The following TBC1D9 variants were observed in gnomAD, a reference collection of about 807,000 sequenced individuals.
TBC1D9 encodes the protein TBC1 domain family member 9A.
TBC1D9 carries 63 observed loss-of-function variants against 132.0 expected under a neutral mutation model. The ratio of observed to expected loss-of-function variants is 0.48; its 90% CI spans 0.39 to 0.59. The LOEUF is 0.59. Among genes scored for constraint, TBC1D9 ranks in the 20% least tolerant of loss-of-function variants. TBC1D9 has a pLI of 0.00. For missense variants in TBC1D9, 1,261 were observed against 1,592.7 expected, an observed-to-expected ratio of 0.79 and a Z score of 3.54; for synonymous variants, 610 against 609.9, an observed-to-expected ratio of 1.00 and a Z score of 0.00.
At position 140,622,461 on chromosome 4, in the gene TBC1D9, G is replaced by A. The variant is rs1578810332; in HGVS notation, c.3535C>T (p.His1179Tyr). The change falls in exon 21 of 21, where the codon CAC (histidine) becomes TAC (tyrosine). Residue 1179 changes from histidine to tyrosine, a missense_variant. Physicochemically the swap from His to Tyr is moderately conservative, Grantham distance 83. Around this residue, in one of 3 missense-constraint regions of TBC1D9, gnomAD observed 618 missense variants for 724.4 expected, o/e 0.85. Coordinates refer to ENST00000442267, the MANE Select transcript of TBC1D9 (RefSeq NM_015130.3). Reference sequence around the variant, plus strand: ...GTGTCCTCTCCGATGTCCTCGCAGTGCAGCTTGTCCTCCTCGTGGGAGCCG... The same window carrying A: ...GTGTCCTCTCCGATGTCCTCGCAGTACAGCTTGTCCTCCTCGTGGGAGCCG... ...SAGSHEEDKLHCEDIGEDTVL... is the reference protein window; with the variant it reads ...SAGSHEEDKLYCEDIGEDTVL... 6.2e-7 allele frequency: 1 copy of A among 1,614,016 alleles called. No homozygotes were observed. The highest frequency in any genetic ancestry group is 1.3e-5 in the African/African-American group (1 of 75,070).
At chr4:140,749,969 A>G (rs1244346885) in intron 1 of TBC1D9, among the ~76,000 whole-genome samples, 1 of 152,128 alleles carries the variant, frequency 6.6e-6, no homozygotes, top group African/African-American at 2.4e-5. Flanking sequence ...ACACTTGAAA[A>G]TCAGTTACTA....
chr4:140,687,327 G>GTGTGTC lies in TBC1D9; in HGVS notation c.242-866_242-865insGACACA, dbSNP rs1300247220. Among the ~76,000 whole-genome samples the GTGTGTC allele has an allele frequency of 3.3e-5, 4 of 119,410 alleles. No homozygotes were observed. In the South Asian group the frequency reaches 8.6e-4, roughly 26 times the overall value. The allele number at this position is 119,410 out of a possible 152,430, so 78.3% of individuals were successfully genotyped here. On this transcript the variant is annotated intron_variant, in intron 2 of 20. Coordinates refer to ENST00000442267, the MANE Select transcript of TBC1D9 (RefSeq NM_015130.3). ...ATGTGTGCCATATATATATATGTGT[G>GTGTGTC]TGTGTGTGTGTGTGTCATATATATA...
At chr4:140,695,845 G>C (rs1482085971) in intron 2 of TBC1D9, among the ~76,000 whole-genome samples, 1 of 152,136 alleles carries the variant, frequency 6.6e-6, no homozygotes, top group East Asian at 1.9e-4. Context: ...AGCCCCAGGT[G>C]CAAAATAGTC....
intron 16 of TBC1D9, among the ~76,000 whole-genome samples, chr4:140,632,300 T>A (rs1736809994): frequency 6.6e-6 from 1 of 151,554 alleles, no homozygotes; most frequent in South Asian, 2.1e-4. Context: ...TGGATACCTA[T>A]ATGACAAGCA....
intron 6 of TBC1D9, among the ~76,000 whole-genome samples, chr4:140,671,674 CTGTGTGTGTGTGTGTGTG>C (rs34072180): frequency 2.1e-5 from 3 of 141,830 alleles, no homozygotes; most frequent in East Asian, 4.2e-4. Flanking sequence ...AACTACCAGA[CTGTGTGTGTGTGTGTGTG>C]TGTGTGTGTG....
rs768104844 is a variant in TBC1D9, at chr4:140,670,769, A to G, written c.1217T>C (p.Ile406Thr). The G allele has an allele frequency of 6.2e-7, 1 of 1,613,992 alleles. No individual in the cohort carries two copies. Among genetic ancestry groups the G allele is most frequent in the Admixed American group, 1.7e-5 (1 of 60,020 alleles). ...TCCTGCAAACTCCTTGTCAGAATAT[A>G]TTTTGGAAGTAGTCTGTTGCAGGAA... is the stretch of plus-strand genomic sequence containing the variant. ...SDFLQQTTSK[I>T]YSDKEFAGSY... The change falls in exon 7 of 21, where the codon ATA (isoleucine) becomes ACA (threonine). Residue 406 changes from isoleucine (I) to threonine (T), a missense_variant. Physicochemically the swap from Ile to Thr is moderately conservative, Grantham distance 89. Around this residue, in one of 3 missense-constraint regions of TBC1D9, gnomAD observed 550 missense variants for 699.0 expected, o/e 0.79. Transcript: ENST00000442267.
chr4:140,662,452 G>C (rs551605520), intron 9 of TBC1D9, among the ~76,000 whole-genome samples: 26 of 152,266 alleles, frequency 1.7e-4, no homozygotes, highest in African/African-American at 5.8e-4. Context: ...CCAGGCTGAG[G>C]CTTCACCTTC....
chr4:140,752,821 G>C (rs557680202), intron 1 of TBC1D9, among the ~76,000 whole-genome samples: 2 of 152,218 alleles, frequency 1.3e-5, no homozygotes, highest in East Asian at 3.9e-4. Context: ...ATAGCTTTCT[G>C]TGCTAATCTT....
At chr4:140,650,355 C>T (rs1737169923) in intron 13 of TBC1D9, among the ~76,000 whole-genome samples, 1 of 152,146 alleles carries the variant, frequency 6.6e-6, no homozygotes, top group Non-Finnish European at 1.5e-5. Context: ...AAAGTTCTGG[C>T]AGCAATGGTT....
intron 13 of TBC1D9, chr4:140,645,040 G>A (rs1035791730): frequency 8.3e-6 from 4 of 480,704 alleles, no homozygotes; most frequent in African/African-American, 6.0e-5. Flanking sequence ...TGGGTTGCGG[G>A]GTCCACAGAC....
At chr4:140,643,714 A>G in intron 13 of TBC1D9, 1 of 1,210,660 alleles carries the variant, frequency 8.3e-7, no homozygotes, top group East Asian at 2.5e-5. Flanking sequence ...GCGGCCGTGC[A>G]GGGTTCTGTC....
chr4:140,756,069 G>GCACA lies in TBC1D9; in HGVS notation c.-28_-25dup. ...ATGGTCCTGGCTGCCGCGGGCGGGC[G>GCACA]CACAATGGGCCCGTGGGTCCAGTCC... On this transcript the variant is annotated 5_prime_UTR_variant, in exon 1 of 21. Transcript: ENST00000442267. This position sits in a 1 kb window ranked among gnomAD's most constrained non-coding sequence, Gnocchi z 5.6. 6.3e-7 allele frequency: 1 copy of GCACA among 1,597,336 alleles called. No homozygotes were observed. The highest frequency in any genetic ancestry group is 8.5e-7 in the Non-Finnish European group (1 of 1,172,008).
At chr4:140,687,249 T>C (rs1373192599) in intron 2 of TBC1D9, among the ~76,000 whole-genome samples, 2 of 149,514 alleles carry the variant, frequency 1.3e-5, no homozygotes, top group Non-Finnish European at 3.0e-5. Context: ...CTAATGATTG[T>C]TAATGATCTT....
chr4:140,689,016 C>T (rs534512465), intron 2 of TBC1D9, among the ~76,000 whole-genome samples: 69 of 152,122 alleles, frequency 4.5e-4, no homozygotes, highest in African/African-American at 1.6e-3. Flanking sequence ...ATCCTCCACC[C>T]GATTGTTCCA....
chr4:140,750,365 A>G (rs1738903806), intron 1 of TBC1D9, among the ~76,000 whole-genome samples: 1 of 152,096 alleles, frequency 6.6e-6, no homozygotes. Context: ...AAATATTAGC[A>G]GATGATATGG....
At chr4:140,679,502 T>C (rs1737673845) in intron 4 of TBC1D9, 113 bp downstream of exon 4, 3 of 798,570 alleles carry the variant, frequency 3.8e-6, no homozygotes, top group Admixed American at 3.0e-5. Context: ...AAAATTAGTA[T>C]TGACTTAGTT....
At chr4:140,684,713 T>C (rs143796253) in intron 3 of TBC1D9, among the ~76,000 whole-genome samples, 169 of 151,322 alleles carry the variant, frequency 1.1e-3, no homozygotes, top group African/African-American at 3.6e-3. Flanking sequence ...TCATGGCTCA[T>C]TGCAGTCTTG....
intron 2 of TBC1D9, 131 bp from the exon 3 acceptor site, chr4:140,686,593 T>G (rs1737785856): frequency 1.7e-6 from 1 of 599,608 alleles, no homozygotes; most frequent in Non-Finnish European, 2.9e-6. Flanking sequence ...CTTTAAATGC[T>G]TTCTCTCCTC....
At chr4:140,752,297 G>C (rs972260350) in intron 1 of TBC1D9, among the ~76,000 whole-genome samples, 4 of 151,952 alleles carry the variant, frequency 2.6e-5, no homozygotes, top group Non-Finnish European at 5.9e-5. Context: ...CATACACAAG[G>C]CTGAGCAAAA....
Sources: allele counts gnomAD v4.1 joint callset (sites outside exome capture counted in the v4.1 genomes callset), GRCh38; gene constraint gnomAD v4.1.1; regional missense constraint gnomAD v4.1.1; non-coding constraint Gnocchi (gnomAD v3.1); transcripts MANE v1.5; gene names NCBI Gene and HGNC (gene_info 2026-07-23, HGNC 2026-07-21).